SEMA6D: variants seen among roughly 807,000 people sequenced by gnomAD.
The protein encoded by SEMA6D is semaphorin 6D.
Under a neutral mutation model 106.6 loss-of-function variants are expected in SEMA6D, and 35 were observed. The observed-to-expected ratio is 0.33, with a 90% CI of 0.25 to 0.44. SEMA6D has a LOEUF of 0.44. Among genes scored for constraint, SEMA6D ranks in the 20% least tolerant of loss-of-function variants. The pLI, the probability that SEMA6D is intolerant of heterozygous loss-of-function variation, is 1.00. For synonymous variants in SEMA6D, 499 were observed against 487.7 expected, an observed-to-expected ratio of 1.02 and a Z score of -0.31; for missense variants, 1,185 against 1,345.9, an observed-to-expected ratio of 0.88 and a Z score of 1.87.
intron 4 of SEMA6D, among the ~76,000 whole-genome samples, chr15:47,664,833 T>C (rs2038063861): frequency 6.6e-6 from 1 of 152,176 alleles, no homozygotes; most frequent in Non-Finnish European, 1.5e-5. Context: ...GTTCCCCCAA[T>C]CAACTCTGCA....
chr15:47,739,885 C>T (rs1358703113), intron 1 of SEMA6D, among the ~76,000 whole-genome samples: 1 of 152,166 alleles, frequency 6.6e-6, no homozygotes, highest in East Asian at 1.9e-4. Flanking sequence ...ATAATAATAG[C>T]TAATACTAAT....
At chr15:47,387,248 A>T (rs1243984924) in intron 1 of SEMA6D, among the ~76,000 whole-genome samples, 3 of 152,222 alleles carry the variant, frequency 2.0e-5, no homozygotes, top group Non-Finnish European at 2.9e-5. Context: ...CAGTCAAGGA[A>T]ATTTAAGGGA....
intron 4 of SEMA6D, among the ~76,000 whole-genome samples, chr15:47,699,027 G>T (rs940939927): frequency 6.6e-6 from 1 of 152,154 alleles, no homozygotes; most frequent in African/African-American, 2.4e-5. Context: ...GATTTTAAAA[G>T]AAGGAGAATA....
At chr15:47,265,562 ATCT>A (rs58849410) in intron 1 of SEMA6D, among the ~76,000 whole-genome samples, 8,001 of 151,968 alleles carry the variant, frequency 0.053, 298 homozygotes, top group African/African-American at 0.11. Flanking sequence ...CTACTTTAAA[ATCT>A]TCTCTGTTAA....
At chr15:47,390,941 G>A (rs900450423) in intron 1 of SEMA6D, among the ~76,000 whole-genome samples, 1 of 152,170 alleles carries the variant, frequency 6.6e-6, no homozygotes, top group African/African-American at 2.4e-5. Context: ...TCAAGAGTTT[G>A]CAAAGGTGCA....
chr15:47,488,394 A>C (rs966962606), intron 3 of SEMA6D, among the ~76,000 whole-genome samples: 1 of 151,984 alleles, frequency 6.6e-6, no homozygotes, highest in Non-Finnish European at 1.5e-5. Context: ...TATGCTATAC[A>C]TGTGATTTTC....
intron 1 of SEMA6D, among the ~76,000 whole-genome samples, chr15:47,276,503 A>G (rs975052504): frequency 1.3e-5 from 2 of 152,152 alleles, no homozygotes; most frequent in African/African-American, 4.8e-5. Context: ...GAATTATGCT[A>G]ACTCTGCTCT....
intron 3 of SEMA6D, among the ~76,000 whole-genome samples, chr15:47,513,185 G>GA (rs543713772): frequency 1.3e-5 from 2 of 151,632 alleles, no homozygotes; most frequent in East Asian, 1.9e-4. Context: ...CTTCTCCCTT[G>GA]AAAAAAAAGT....
intron 1 of SEMA6D, among the ~76,000 whole-genome samples, chr15:47,381,768 T>C (rs1014583699): frequency 3.3e-5 from 5 of 152,224 alleles, no homozygotes; most frequent in African/African-American, 1.2e-4. Flanking sequence ...ATATGAGTTT[T>C]AAACTGTAAC....
chr15:47,227,474 C>T (rs1454758769), intron 1 of SEMA6D, among the ~76,000 whole-genome samples: 2 of 68,892 alleles, frequency 2.9e-5, no homozygotes, highest in South Asian at 4.2e-4. Context: ...CTTTTTCTTT[C>T]TCTTTCTTTT....
At chr15:47,745,126 G>A (rs1193407401) in intron 1 of SEMA6D, among the ~76,000 whole-genome samples, 1 of 152,212 alleles carries the variant, frequency 6.6e-6, no homozygotes, top group African/African-American at 2.4e-5. Flanking sequence ...ATGTAGATAA[G>A]GGTTTGAAGC....
At chr15:47,261,208 A>G (rs1254942740) in intron 1 of SEMA6D, among the ~76,000 whole-genome samples, 1 of 152,112 alleles carries the variant, frequency 6.6e-6, no homozygotes, top group Non-Finnish European at 1.5e-5. Flanking sequence ...GTGTTTGATT[A>G]TTTATTGTCT....
At chr15:47,377,589 TA>T (rs2039492832) in intron 1 of SEMA6D, among the ~76,000 whole-genome samples, 1 of 152,054 alleles carries the variant, frequency 6.6e-6, no homozygotes, top group Admixed American at 6.6e-5. Flanking sequence ...CATTACTCAG[TA>T]AGTGGGAGGA....
Position 47,771,537 on chromosome 15 carries a change from C to A in SEMA6D, c.2974C>A (p.Gln992Lys). 1.2e-6 allele frequency: 2 copies of A among 1,614,108 alleles called. No individual in the cohort carries two copies. Among genetic ancestry groups the A allele is most frequent in the Non-Finnish European group, 1.7e-6 (2 of 1,179,986 alleles). The part of the protein sequence containing the change: ...NSPNGVLLSR[Q>K]PSMNRGGYMP... ...ACCAAATGGTGTTTTGTTATCCAGACAGCCTAGTATGAACCGTGGAGGATA... is the reference window on the plus strand; with the variant it reads ...ACCAAATGGTGTTTTGTTATCCAGAAAGCCTAGTATGAACCGTGGAGGATA... Residue 992 changes from glutamine to lysine, a missense_variant, in exon 19 of 19, where the codon CAG becomes AAG. By Grantham distance (53) the Gln-to-Lys change is moderately conservative. Around this residue, in one of 3 missense-constraint regions of SEMA6D, gnomAD observed 750 missense variants for 783.5 expected, o/e 0.96. Coordinates refer to ENST00000536845, the MANE Select transcript of SEMA6D (RefSeq NM_001358351.3).
intron 3 of SEMA6D, among the ~76,000 whole-genome samples, chr15:47,553,789 G>A (rs1249335372): frequency 6.6e-6 from 1 of 152,124 alleles, no homozygotes; most frequent in African/African-American, 2.4e-5. Context: ...CATTACATAT[G>A]AGGGACTTTC....
chr15:47,607,988 A>G (rs1037253480), intron 4 of SEMA6D, among the ~76,000 whole-genome samples: 2 of 152,178 alleles, frequency 1.3e-5, no homozygotes, highest in Admixed American at 1.3e-4. Flanking sequence ...ACTGTCTGTT[A>G]TAACTGTGGT....
intron 2 of SEMA6D, among the ~76,000 whole-genome samples, chr15:47,448,120 A>C (rs2042081866): frequency 6.6e-6 from 1 of 152,102 alleles, no homozygotes; most frequent in African/African-American, 2.4e-5. Context: ...TTGGCTTTGC[A>C]CAGGCTGGCT....
At chr15:47,401,974 G>GT (rs1191836140) in intron 1 of SEMA6D, among the ~76,000 whole-genome samples, 1 of 152,082 alleles carries the variant, frequency 6.6e-6, no homozygotes, top group Non-Finnish European at 1.5e-5. Flanking sequence ...GCCAGAATTG[G>GT]TTTTTTAAAA....
intron 1 of SEMA6D, among the ~76,000 whole-genome samples, chr15:47,333,678 G>C (rs2037435177): frequency 6.6e-6 from 1 of 152,130 alleles, no homozygotes; most frequent in Admixed American, 6.6e-5. Flanking sequence ...AGTTGCTGGA[G>C]ACCATCAGGA....
Sources: allele counts gnomAD v4.1 joint callset (sites outside exome capture counted in the v4.1 genomes callset), GRCh38; gene constraint gnomAD v4.1.1; regional missense constraint gnomAD v4.1.1; transcripts MANE v1.5; gene names NCBI Gene and HGNC (gene_info 2026-07-23, HGNC 2026-07-21).